Variants in SH3TC1 observed in about 807,000 individuals in gnomAD.
The protein encoded by SH3TC1 is SH3 domain and tetratricopeptide repeat-containing protein 1.
A neutral mutation model predicts 117.3 loss-of-function variants in SH3TC1; 135 were observed. The observed-to-expected ratio is 1.15, with a 90% CI of 1.00 to 1.33. The LOEUF (loss-of-function observed/expected upper bound fraction) is 1.33. Ranked by LOEUF, SH3TC1 falls within the 40% of genes most tolerant of loss-of-function variation. The pLI is 0.00. For synonymous variants in SH3TC1, 898 were observed against 816.9 expected, an observed-to-expected ratio of 1.10 and a Z score of -1.69; for missense variants, 2,092 against 1,794.3, an observed-to-expected ratio of 1.17 and a Z score of -3.00.
At chr4:8,226,948 C>T (rs375595633) in intron 11 of SH3TC1, 32 bp from the exon 12 acceptor site, 1 of 1,489,342 alleles carries the variant, frequency 6.7e-7, no homozygotes, top group Admixed American at 2.3e-5. Flanking sequence ...CTGCTGGACT[C>T]TAATCTGTCT....
Position 8,227,502 on chromosome 4 carries a change from T to C in SH3TC1, c.1808T>C (p.Val603Ala), listed in dbSNP as rs749608504. ...SFGDLFLVVA[V>A]YANLASIYRK... ...GGGGACCTGTTCCTAGTGGTGGCTG[T>C]GTACGCCAACCTGGCCAGCATTTAC... Residue 603 changes from valine to alanine, a missense_variant, in exon 12 of 18, where the codon GTG becomes GCG. By Grantham distance (64) the Val-to-Ala change is moderately conservative. Transcript: ENST00000245105. The C allele has an allele frequency of 1.6e-4, 251 of 1,556,622 alleles. No homozygotes were observed. Among genetic ancestry groups the C allele is most frequent in the Non-Finnish European group, 2.1e-4 (241 of 1,157,112 alleles).
chr4:8,234,041 CATCA>C (rs958994126), intron 14 of SH3TC1, among the ~76,000 whole-genome samples: 38 of 144,344 alleles, frequency 2.6e-4, no homozygotes, highest in African/African-American at 8.9e-4. Flanking sequence ...TCCATTCATC[CATCA>C]TTCATCCATC....
intron 17 of SH3TC1, among the ~76,000 whole-genome samples, chr4:8,238,771 T>C (rs1158580522): frequency 6.6e-6 from 1 of 152,152 alleles, no homozygotes; most frequent in Non-Finnish European, 1.5e-5. Context: ...GAGGGGACTT[T>C]ATCTCTCTTA....
chr4:8,218,035 G>A (rs774911097), intron 7 of SH3TC1, among the ~76,000 whole-genome samples: 7 of 152,174 alleles, frequency 4.6e-5, no homozygotes, highest in East Asian at 1.9e-4. Context: ...TCCAGGACAC[G>A]GGCCCTAGGC....
upstream of SH3TC1, among the ~76,000 whole-genome samples, chr4:8,198,646 C>T (rs970419634): frequency 4.6e-5 from 7 of 152,172 alleles, no homozygotes; most frequent in Admixed American, 2.0e-4. Flanking sequence ...GGCCTGGAGA[C>T]GGTGGGAGGG....
chr4:8,228,743 T>G (rs1291896316), intron 12 of SH3TC1, 99 bp downstream of exon 12: 4 of 1,047,242 alleles, frequency 3.8e-6, no homozygotes, highest in Non-Finnish European at 4.0e-6. Flanking sequence ...TTTTCCACCA[T>G]CGAAAGTGCT....
At chr4:8,196,605 C>A (rs564742232), upstream of SH3TC1, among the ~76,000 whole-genome samples, 5 of 152,284 alleles carry the variant, frequency 3.3e-5, no homozygotes, top group East Asian at 1.9e-4. The surrounding 1 kb of genome is among the most constrained non-coding windows in gnomAD (Gnocchi z 4.6). Context: ...AGCAGTGGGA[C>A]CTTTGTCAAG....
In SH3TC1 at chr4:8,240,972, A is replaced by G. The variant is rs776526722; in HGVS notation, c.*17A>G. On this transcript the variant is annotated 3_prime_UTR_variant, in exon 18 of 18. Coordinates refer to ENST00000245105, the MANE Select transcript of SH3TC1 (RefSeq NM_018986.5). Reference sequence around the variant, plus strand: ...CCTCGCTGAGGACAGCATCCAAGGGAGTGGGTTTTGTGCAAGGGCTGGGGG... The same window carrying G: ...CCTCGCTGAGGACAGCATCCAAGGGGGTGGGTTTTGTGCAAGGGCTGGGGG... 18 of 1,603,896 alleles carry G rather than the reference A, an allele frequency of 1.1e-5. No individual in the cohort carries two copies. Among genetic ancestry groups the G allele is most frequent in the African/African-American group, 2.7e-5 (2 of 74,726 alleles).
rs144885198 is a variant in SH3TC1 at position 8,218,301 on chromosome 4, C to T, written c.870C>T (p.Ile290=). Reference sequence around the variant, plus strand: ...CTCTTAGGATCCCCCAGGACCCCATCGACGATGCCATGGGTGGCCCTGTGA... The same window carrying T: ...CTCTTAGGATCCCCCAGGACCCCATTGACGATGCCATGGGTGGCCCTGTGA... The part of the protein sequence containing the change: ...QWALRIPQDP[I]DDAMGGPVMP... Residue 290 remains isoleucine, a synonymous_variant, in exon 8 of 18, where the codon ATC becomes ATT. Coordinates refer to ENST00000245105, the MANE Select transcript of SH3TC1 (RefSeq NM_018986.5). 1.4e-5 allele frequency: 23 copies of T among 1,612,402 alleles called. No individual in the cohort carries two copies. The highest frequency in any genetic ancestry group is 3.3e-4 in the Middle Eastern group (2 of 6,054).
At chr4:8,237,295 G>T (rs1047797237) in intron 16 of SH3TC1, 179 bp from the exon 17 acceptor site, 15 of 541,760 alleles carry the variant, frequency 2.8e-5, no homozygotes, top group Non-Finnish European at 4.1e-5. Flanking sequence ...CGGTAGATGG[G>T]GGCAGGCCTT....
Position 8,205,444 on chromosome 4 carries a change from T to TCACCACCCTGCCTGC in SH3TC1, c.172+80_172+94dup. The TCACCACCCTGCCTGC allele has an allele frequency of 8.4e-7, 1 of 1,189,218 alleles. No individual in the cohort carries two copies. The highest frequency in any genetic ancestry group is 1.4e-5 in the South Asian group (1 of 71,548). The allele number at this position is 1,189,218 out of a possible 1,614,324, so 73.7% of individuals were successfully genotyped here. On this transcript the variant is annotated intron_variant, in intron 2 of 17. Coordinates refer to ENST00000245105, the MANE Select transcript of SH3TC1 (RefSeq NM_018986.5). This position sits in a 1 kb window ranked among gnomAD's most constrained non-coding sequence, Gnocchi z 5.4. ...CCCACCCGCCCCGTCCATCCATCCC[T>TCACCACCCTGCCTGC]CACCACCCTGCCTGCCTCCAGGCCT...
At chr4:8,221,236 T>TA (rs1299789148) in intron 9 of SH3TC1, among the ~76,000 whole-genome samples, 2 of 152,186 alleles carry the variant, frequency 1.3e-5, no homozygotes, top group Non-Finnish European at 2.9e-5. Context: ...GTACTGAACT[T>TA]ACAAGGGGTC....
chr4:8,235,336 G>A (rs897251581), intron 14 of SH3TC1, 97 bp from the exon 15 acceptor site: 2 of 1,374,174 alleles, frequency 1.5e-6, no homozygotes, highest in Non-Finnish European at 1.9e-6. Context: ...CACCTGCAGT[G>A]TGTGAGAGGA....
chr4:8,188,191 T>A lies in SH3TC1; in HGVS notation c.-57+5981T>A, dbSNP rs987708004. Among the ~76,000 whole-genome samples, 5 of 152,276 alleles carry A rather than the reference T, an allele frequency of 3.3e-5. No individual in the cohort carries two copies. In the East Asian group the frequency reaches 9.6e-4, roughly 29 times the overall value. On this transcript the variant is annotated intron_variant, in intron 1 of 16. Coordinates refer to the SH3TC1 transcript ENST00000508641. ...TACGGGCAGGACTGGGGCTGTGCAG[T>A]GCTCCCCTTTCCCAACCCCTCTGCA...
chr4:8,215,152 C>A (rs555716261), intron 5 of SH3TC1: 1 of 456,322 alleles, frequency 2.2e-6, no homozygotes. Context: ...ACTCTGCCCT[C>A]TGTAATTTCA....
intron 11 of SH3TC1, 80 bp from the exon 12 acceptor site, chr4:8,226,900 G>C (rs1678299): frequency 0.7 from 723,701 of 1,037,962 alleles, 263,377 homozygotes; most frequent in Non-Finnish European, 0.76. Context: ...CAGAGGCTGG[G>C]GATGAGGGGA....
chr4:8,191,294 A>C (rs986748828), intron 1 of SH3TC1, among the ~76,000 whole-genome samples: 2 of 152,208 alleles, frequency 1.3e-5, no homozygotes, highest in African/African-American at 4.8e-5. Context: ...AAATCAGGAC[A>C]TTCCGGCCAG....
At chr4:8,207,299 T>A (rs1352489361) in intron 2 of SH3TC1, among the ~76,000 whole-genome samples, 1 of 152,208 alleles carries the variant, frequency 6.6e-6, no homozygotes, top group Non-Finnish European at 1.5e-5. Context: ...GTGCAGACGA[T>A]GTCTATTAGT....
At chr4:8,191,371 C>T (rs1046971528) in intron 1 of SH3TC1, among the ~76,000 whole-genome samples, 8 of 152,324 alleles carry the variant, frequency 5.3e-5, no homozygotes, top group South Asian at 2.1e-4. Context: ...TGCAGGCCTC[C>T]GACCCGGCGG....
Sources: gnomAD v4.1 joint callset for allele counts (sites outside exome capture counted in the v4.1 genomes callset) on GRCh38, gnomAD v4.1.1 for gene constraint, Gnocchi (gnomAD v3.1) non-coding constraint, MANE v1.5 for transcripts, NCBI Gene and HGNC (gene_info 2026-07-23, HGNC 2026-07-21) for gene names.